The following ECPAS variants were observed in gnomAD, a reference collection of about 807,000 sequenced individuals.
The protein encoded by ECPAS is Ecm29 proteasome adaptor and scaffold.
ECPAS carries 70 observed loss-of-function variants against 255.1 expected under a neutral mutation model. That is an observed-to-expected ratio of 0.27 (90% CI 0.23 to 0.33). ECPAS has a LOEUF of 0.33. Among genes scored for constraint, ECPAS ranks in the 10% least tolerant of loss-of-function variants. The pLI is 1.00. For missense variants in ECPAS, 1,817 were observed against 2,206.4 expected (o/e 0.82, Z 3.54); for synonymous variants, 784 against 775.0 (o/e 1.01, Z -0.19).
intron 7 of ECPAS, among the ~76,000 whole-genome samples, chr9:111,435,797 A>T (rs2098237246): frequency 6.8e-6 from 1 of 147,916 alleles, no homozygotes; most frequent in Admixed American, 6.8e-5. Context: ...CTCCCACCTC[A>T]GCCTCCTGAA....
intron 24 of ECPAS, among the ~76,000 whole-genome samples, chr9:111,402,162 T>C (rs1242720512): frequency 3.3e-5 from 5 of 152,190 alleles, no homozygotes; most frequent in African/African-American, 1.2e-4. Flanking sequence ...AGTATTAATT[T>C]TGGGAACTGG....
At chr9:111,434,612 CAG>C (rs1209331384) in intron 7 of ECPAS, among the ~76,000 whole-genome samples, 1 of 121,304 alleles carries the variant, frequency 8.2e-6, no homozygotes, top group Non-Finnish European at 1.6e-5. Context: ...TTTTTTGAGA[CAG>C]AGTCTCCCTC....
At chr9:111,467,706 G>A (rs1026480658) in intron 2 of ECPAS, among the ~76,000 whole-genome samples, 1 of 152,034 alleles carries the variant, frequency 6.6e-6, no homozygotes, top group African/African-American at 2.4e-5. Context: ...CACTATAATA[G>A]ACGATTTCAG....
At chr9:111,390,807 G>A (rs141764530) in intron 29 of ECPAS, among the ~76,000 whole-genome samples, 37 of 152,278 alleles carry the variant, frequency 2.4e-4, no homozygotes, top group African/African-American at 7.9e-4. Flanking sequence ...AAATAAAGGC[G>A]GTCAAGCTCA....
Position 111,383,124 on chromosome 9 carries a change from A to G in ECPAS, c.3803+87T>C, listed in dbSNP as rs527348227. The G allele has an allele frequency of 2.1e-5, 31 of 1,510,028 alleles. No individual in the cohort carries two copies. In the South Asian group the frequency reaches 2.5e-4, roughly 12 times the overall value. The allele number at this position is 1,510,028 out of a possible 1,614,324, so 93.5% of individuals were successfully genotyped here. A position where few individuals can be genotyped will look rare whatever the true frequency, so the allele number is the denominator to read the frequency against. ...GTCATTCTCCTAAACCTCTTTCTCC[A>G]TATTTTCCAGAATCTAACCTTGAAA... On this transcript the variant is annotated intron_variant, in intron 35 of 49. Coordinates refer to ENST00000684092, the MANE Select transcript of ECPAS (RefSeq NM_001364929.1).
At chr9:111,388,599 A>C (rs866389935) in intron 31 of ECPAS, among the ~76,000 whole-genome samples, 35 of 152,122 alleles carry the variant, frequency 2.3e-4, no homozygotes, top group Non-Finnish European at 3.8e-4. Context: ...AAAATGGCAC[A>C]ATCTAACTTG....
chr9:111,467,656 T>G (rs1358461244), intron 2 of ECPAS, among the ~76,000 whole-genome samples: 1 of 152,216 alleles, frequency 6.6e-6, no homozygotes, highest in East Asian at 1.9e-4. Context: ...CCACACGATA[T>G]TTTTTAAAAG....
chr9:111,449,731 T>A (rs965220800), intron 3 of ECPAS, among the ~76,000 whole-genome samples: 1 of 152,156 alleles, frequency 6.6e-6, no homozygotes, highest in African/African-American at 2.4e-5. Context: ...CTACTCCAAG[T>A]CTTTCTCCAG....
intron 6 of ECPAS, among the ~76,000 whole-genome samples, chr9:111,439,829 A>G (rs1351901586): frequency 1.3e-5 from 2 of 151,958 alleles, no homozygotes; most frequent in African/African-American, 4.8e-5. Flanking sequence ...AGCCGCTGGG[A>G]AAGAAATTAT....
At chr9:111,475,063 T>C (rs1393964506) in intron 1 of ECPAS, among the ~76,000 whole-genome samples, 1 of 152,252 alleles carries the variant, frequency 6.6e-6, no homozygotes, top group Admixed American at 6.5e-5. Context: ...TTCTCATTTC[T>C]TGAGGTTTCC....
chr9:111,436,185 C>T (rs1170327355), intron 7 of ECPAS, among the ~76,000 whole-genome samples: 1 of 152,062 alleles, frequency 6.6e-6, no homozygotes, highest in Non-Finnish European at 1.5e-5. Flanking sequence ...TCAATGGTCA[C>T]TTACATTTCC....
chr9:111,410,473 T>C (rs2098192272), intron 22 of ECPAS, among the ~76,000 whole-genome samples: 1 of 148,416 alleles, frequency 6.7e-6, no homozygotes. Context: ...GAAAAAAATG[T>C]AGAGAAAAAA....
intron 2 of ECPAS, among the ~76,000 whole-genome samples, chr9:111,458,677 T>C (rs923629753): frequency 6.6e-6 from 1 of 151,952 alleles, no homozygotes; most frequent in African/African-American, 2.4e-5. Context: ...TTGAGTCACA[T>C]GGGCAATGAT....
chr9:111,380,798 G>A (rs1381519258), intron 35 of ECPAS, among the ~76,000 whole-genome samples: 1 of 152,192 alleles, frequency 6.6e-6, no homozygotes, highest in African/African-American at 2.4e-5. Context: ...ATGTTATGAA[G>A]ACAGCTTCTT....
intron 2 of ECPAS, among the ~76,000 whole-genome samples, chr9:111,458,650 G>T (rs1028867601): frequency 6.6e-6 from 1 of 151,402 alleles, no homozygotes. Flanking sequence ...AGAGGAGGGT[G>T]GGGGGGGTGT....
At chr9:111,454,497 C>G (rs2098264411) in intron 2 of ECPAS, among the ~76,000 whole-genome samples, 1 of 152,074 alleles carries the variant, frequency 6.6e-6, no homozygotes, top group South Asian at 2.1e-4. Flanking sequence ...GAAGAAAGAG[C>G]ACCAACCACC....
At chr9:111,470,478 C>T (rs1327200072) in intron 2 of ECPAS, among the ~76,000 whole-genome samples, 1 of 152,010 alleles carries the variant, frequency 6.6e-6, no homozygotes, top group African/African-American at 2.4e-5. Context: ...ACCCAGCTAA[C>T]TTTTTGTATT....
chr9:111,376,383 G>C (rs2098133386), intron 37 of ECPAS, 93 bp downstream of exon 37: 2 of 1,016,640 alleles, frequency 2.0e-6, no homozygotes, highest in South Asian at 2.8e-5. Context: ...CATCCCATAA[G>C]TCTCTGCTTC....
intron 2 of ECPAS, among the ~76,000 whole-genome samples, chr9:111,456,203 C>A (rs1385006196): frequency 3.3e-5 from 5 of 152,102 alleles, no homozygotes; most frequent in Non-Finnish European, 7.4e-5. Flanking sequence ...TTATTATAAA[C>A]AATCTTGTGA....
Sources: gnomAD v4.1 joint callset for allele counts (sites outside exome capture counted in the v4.1 genomes callset) on GRCh38, gnomAD v4.1.1 for gene constraint, MANE v1.5 for transcripts, NCBI Gene and HGNC (gene_info 2026-07-23, HGNC 2026-07-21) for gene names.